PTPRN2: variants seen among roughly 807,000 people sequenced by gnomAD.
PTPRN2 encodes receptor-type tyrosine-protein phosphatase N2.
PTPRN2 carries 74 observed loss-of-function variants against 118.8 expected under a neutral mutation model. The ratio of observed to expected loss-of-function variants is 0.62; its 90% CI spans 0.52 to 0.76. The LOEUF is 0.76. PTPRN2 is among the 30% of genes least tolerant of loss of function. PTPRN2 has a pLI of 0.00. For synonymous variants in PTPRN2, 641 were observed against 608.0 expected, an observed-to-expected ratio of 1.05 and a Z score of -0.80; for missense variants, 1,481 against 1,394.4, an observed-to-expected ratio of 1.06 and a Z score of -0.99.
intron 3 of PTPRN2, among the ~76,000 whole-genome samples, chr7:158,245,095 G>C (rs1796134290): frequency 6.6e-6 from 1 of 152,230 alleles, no homozygotes; most frequent in Non-Finnish European, 1.5e-5. Flanking sequence ...TCTGCAGCGT[G>C]GTCAGCACAG....
Position 157,576,761 on chromosome 7 carries a change from G to C in PTPRN2, c.2635C>G (p.His879Asp). 6.2e-7 allele frequency: 1 copy of C among 1,605,464 alleles called. No individual in the cohort carries two copies. The highest frequency in any genetic ancestry group is 8.5e-7 in the Non-Finnish European group (1 of 1,175,624). ...HIYEVNLVSE[H>D]IWCEDFLVRS... is the part of the protein sequence containing the mutation. ...ACCAGGAAGTCCTCACACCAGATGT[G>C]CTCGGAGACCAGGTTCACCTGGCAG... is the stretch of plus-strand genomic sequence containing the variant. Residue 879 changes from histidine to aspartate, a missense_variant, in exon 19 of 23, where the codon CAC becomes GAC. His to Asp is a moderately conservative substitution (Grantham distance 81, BLOSUM62 -1). Around this residue, in one of 3 missense-constraint regions of PTPRN2, gnomAD observed 362 missense variants for 384.1 expected, o/e 0.94. Transcript: ENST00000389418.
At chr7:158,321,120 G>T (rs1201796612) in intron 2 of PTPRN2, among the ~76,000 whole-genome samples, 38 of 151,260 alleles carry the variant, frequency 2.5e-4, no homozygotes, top group Admixed American at 2.5e-3. Flanking sequence ...GACGCCAGGG[G>T]TGATCTACAC....
intron 12 of PTPRN2, among the ~76,000 whole-genome samples, chr7:157,683,560 C>T (rs1172454690): frequency 6.6e-6 from 1 of 152,184 alleles, no homozygotes; most frequent in Non-Finnish European, 1.5e-5. Context: ...TGGTGCAGAC[C>T]ACAACACTTG....
Position 158,239,418 on chromosome 7 carries a change from G to A in PTPRN2, c.278-34145C>T, listed in dbSNP as rs1795772105. On this transcript the variant is annotated intron_variant, in intron 3 of 22. Coordinates refer to ENST00000389418, the MANE Select transcript of PTPRN2 (RefSeq NM_002847.5). ...TGGGGCGCTTTGTTTCAGTCCACAA[G>A]CCAACGCTCCGTAGCGCGGCCCCCA... Among the ~76,000 whole-genome samples the A allele has an allele frequency of 3.3e-5, 5 of 152,164 alleles. No homozygotes were observed. In the South Asian group the frequency reaches 8.3e-4, roughly 25 times the overall value.
chr7:157,659,735 T>C (rs1795801560), intron 13 of PTPRN2, among the ~76,000 whole-genome samples: 1 of 152,058 alleles, frequency 6.6e-6, no homozygotes, highest in Non-Finnish European at 1.5e-5. Context: ...AGGATAATTC[T>C]TTATTTTTTA....
chr7:157,865,361 C>A (rs140034259), intron 12 of PTPRN2: 1 of 152,242 alleles, frequency 6.6e-6, no homozygotes, highest in Non-Finnish European at 1.5e-5. Flanking sequence ...TGATCTGCTA[C>A]CTGAGTTTGA....
chr7:157,551,790 C>T (rs1344389992), intron 21 of PTPRN2, among the ~76,000 whole-genome samples: 55 of 142,030 alleles, frequency 3.9e-4, no homozygotes, highest in African/African-American at 1.3e-3. Context: ...CCAGCACGCA[C>T]CCCACAGCCA....
chr7:158,351,022 G>A (rs926449995), intron 2 of PTPRN2, among the ~76,000 whole-genome samples: 10 of 152,260 alleles, frequency 6.6e-5, no homozygotes, highest in Admixed American at 4.6e-4. Flanking sequence ...AGAGAACAAC[G>A]GCACACCTGA....
At chr7:158,362,023 T>G (rs1809024039) in intron 2 of PTPRN2, among the ~76,000 whole-genome samples, 1 of 152,188 alleles carries the variant, frequency 6.6e-6, no homozygotes, top group Non-Finnish European at 1.5e-5. Context: ...CCATCTTTCC[T>G]CCGTCTGTCT....
chr7:158,297,087 G>A (rs546057691), intron 3 of PTPRN2, among the ~76,000 whole-genome samples: 18 of 152,322 alleles, frequency 1.2e-4, no homozygotes, highest in Admixed American at 4.6e-4. Flanking sequence ...CTTCTGAAGC[G>A]GTAACGGTGA....
intron 1 of PTPRN2, among the ~76,000 whole-genome samples, chr7:158,577,540 A>G (rs1828403172): frequency 6.7e-6 from 1 of 148,880 alleles, no homozygotes; most frequent in Non-Finnish European, 1.5e-5. Context: ...GGGCCTGCAC[A>G]ACACTGAGGG....
At chr7:157,959,886 A>G (rs371631319) in intron 11 of PTPRN2, among the ~76,000 whole-genome samples, 2 of 152,234 alleles carry the variant, frequency 1.3e-5, no homozygotes, top group Admixed American at 6.5e-5. Flanking sequence ...CTACACTGAC[A>G]TGTATAGCAG....
rs947876803 is a variant in PTPRN2 at position 157,794,419 on chromosome 7, C to T, written c.1788+104254G>A. Among the ~76,000 whole-genome samples, 40 of 152,238 alleles carry T rather than the reference C, an allele frequency of 2.6e-4. No homozygotes were observed. Among genetic ancestry groups the T allele is most frequent in the Admixed American group, 2.2e-3 (34 of 15,280 alleles). ...GTGCGGTGACCAATTATAGCGTCGACGATGGCAGCTTCCCTCTGAAAGCCC... is the reference window on the plus strand; with the variant it reads ...GTGCGGTGACCAATTATAGCGTCGATGATGGCAGCTTCCCTCTGAAAGCCC... On this transcript the variant is annotated intron_variant, in intron 12 of 22. Coordinates refer to ENST00000389418, the MANE Select transcript of PTPRN2 (RefSeq NM_002847.5). The surrounding 1 kb of genome is among the most constrained non-coding windows in gnomAD (Gnocchi z 5.2).
chr7:158,005,848 ATGC>A (rs1563321383), intron 11 of PTPRN2, among the ~76,000 whole-genome samples: 1 of 152,230 alleles, frequency 6.6e-6, no homozygotes, highest in Non-Finnish European at 1.5e-5. Context: ...TGCGTCTAAA[ATGC>A]ACGTGTGTGC....
chr7:157,830,389 C>T (rs1273071826), intron 12 of PTPRN2, among the ~76,000 whole-genome samples: 1 of 152,232 alleles, frequency 6.6e-6, no homozygotes, highest in Admixed American at 6.5e-5. Flanking sequence ...TTTACCTTTA[C>T]AATGGAGTGA....
intron 2 of PTPRN2, among the ~76,000 whole-genome samples, chr7:158,332,510 G>A (rs1244294900): frequency 6.7e-6 from 1 of 148,686 alleles, no homozygotes; most frequent in Non-Finnish European, 1.5e-5. Context: ...CTCACCATAA[G>A]AGCTGAGGCA....
intron 15 of PTPRN2, among the ~76,000 whole-genome samples, chr7:157,606,341 C>T (rs1802000601): frequency 1.3e-5 from 2 of 152,200 alleles, no homozygotes; most frequent in Admixed American, 6.5e-5. Flanking sequence ...TAGCTCCTCC[C>T]CAGCGTGGGG....
At position 158,167,023 on chromosome 7, in the gene PTPRN2, G is replaced by T; in HGVS notation, c.818C>A (p.Ser273Ter). Residue 273 changes from serine to a stop codon, truncating the protein, a stop_gained, in exon 6 of 23, where the codon TCA becomes TAA. Transcript: ENST00000389418. LOFTEE classifies it high-confidence loss of function. ...LEPQYLLRAP[S>*]RMPRPLLAPA... ...TGCCAGCAAAGGCCTGGGCATTCTT[G>T]AGGGTGCACGCAGAAGGTACTGTGG... 1 of 1,506,180 alleles carries T rather than the reference G, an allele frequency of 6.6e-7. No homozygotes were observed. Among genetic ancestry groups the T allele is most frequent in the Admixed American group, 2.3e-5 (1 of 43,244 alleles). 93.3% of individuals were successfully genotyped at this position (1,506,180 alleles called of 1,614,324 possible).
At chr7:157,735,071 C>A (rs904427494) in intron 12 of PTPRN2, among the ~76,000 whole-genome samples, 2 of 152,234 alleles carry the variant, frequency 1.3e-5, no homozygotes, top group East Asian at 3.8e-4. Context: ...GAGCACCTGG[C>A]CTGGTGGACC....
Sources: allele counts gnomAD v4.1 joint callset (sites outside exome capture counted in the v4.1 genomes callset), GRCh38; gene constraint gnomAD v4.1.1; regional missense constraint gnomAD v4.1.1; non-coding constraint Gnocchi (gnomAD v3.1); transcripts MANE v1.5; gene names NCBI Gene and HGNC (gene_info 2026-07-23, HGNC 2026-07-21).